CSMD1: variants seen among roughly 807,000 people sequenced by gnomAD.
CSMD1 encodes the protein CUB and Sushi multiple domains 1, also known as CUB and sushi domain-containing protein 1.
A neutral mutation model predicts 417.5 loss-of-function variants in CSMD1; 213 were observed. The ratio of observed to expected loss-of-function variants is 0.51; its 90% CI spans 0.46 to 0.57. The LOEUF is 0.57. CSMD1 is among the 20% of genes least tolerant of loss of function. CSMD1 has a pLI of 0.00. For missense variants in CSMD1, 6,923 were observed against 4,529.7 expected (o/e 1.53, Z -15.17); for synonymous variants, 2,862 against 1,736.8 (o/e 1.65, Z -16.11).
chr8:4,176,849 G>C (rs867421617), intron 3 of CSMD1, among the ~76,000 whole-genome samples: 21 of 148,328 alleles, frequency 1.4e-4, no homozygotes, highest in Middle Eastern at 3.4e-3. Flanking sequence ...TTACATAATG[G>C]TAAAGGGATC....
At position 4,956,429 on chromosome 8, in the gene CSMD1, G is replaced by A. The variant is rs1809116553; in HGVS notation, c.85+37903C>T. Among the ~76,000 whole-genome samples the A allele has an allele frequency of 2.0e-5, 3 of 148,230 alleles. No homozygotes were observed. In the South Asian group the frequency reaches 6.4e-4, roughly 31 times the overall value. ...TCAAGATATTATAAAATTCATATGT[G>A]CATATATTTAATATACATATTAAAA... On this transcript the variant is annotated intron_variant, in intron 1 of 69. Coordinates refer to ENST00000635120, the MANE Select transcript of CSMD1 (RefSeq NM_033225.6).
intron 1 of CSMD1, among the ~76,000 whole-genome samples, chr8:4,895,027 T>C (rs960639254): frequency 3.9e-5 from 6 of 152,130 alleles, no homozygotes; most frequent in Non-Finnish European, 8.8e-5. Context: ...TTGACCTGAG[T>C]TTTTTCATTG....
At chr8:3,652,059 C>A (rs1293707031) in intron 7 of CSMD1, among the ~76,000 whole-genome samples, 1 of 148,844 alleles carries the variant, frequency 6.7e-6, no homozygotes, top group Non-Finnish European at 1.5e-5. Flanking sequence ...ACCACCATCG[C>A]ACTTACCCCC....
At chr8:4,110,561 C>G (rs1055750899) in intron 3 of CSMD1, among the ~76,000 whole-genome samples, 15 of 152,108 alleles carry the variant, frequency 9.9e-5, no homozygotes, top group Non-Finnish European at 1.8e-4. Context: ...AAACAATTTT[C>G]TGACTAGTTT....
At position 4,953,485 on chromosome 8, in the gene CSMD1, T is replaced by C. The variant is rs908990052; in HGVS notation, c.85+40847A>G. On this transcript the variant is annotated intron_variant, in intron 1 of 69. Transcript: ENST00000635120. ...TTGCTTTATAAGGAGCATTTCTGGA[T>C]GAACCCAACATCGTCCACGGTGGCA... Among the ~76,000 whole-genome samples the C allele has an allele frequency of 5.9e-5, 9 of 152,304 alleles. No homozygotes were observed. The East Asian group carries it at 9.6e-4, about 16-fold the overall frequency.
At chr8:4,168,407 T>C (rs1199088777) in intron 3 of CSMD1, among the ~76,000 whole-genome samples, 3 of 151,914 alleles carry the variant, frequency 2.0e-5, no homozygotes, top group African/African-American at 7.3e-5. Flanking sequence ...TCTCTCAATA[T>C]ATATTTTACA....
chr8:4,294,696 C>A (rs1050445385), intron 3 of CSMD1, among the ~76,000 whole-genome samples: 1 of 152,084 alleles, frequency 6.6e-6, no homozygotes, highest in Non-Finnish European at 1.5e-5. Flanking sequence ...AGATGACCAT[C>A]TATTTTAGCT....
At chr8:3,345,426 C>G (rs181573562) in intron 22 of CSMD1, among the ~76,000 whole-genome samples, 1 of 151,956 alleles carries the variant, frequency 6.6e-6, no homozygotes, top group Non-Finnish European at 1.5e-5. Context: ...CGTTGATGAA[C>G]ATGGAACACT....
At chr8:3,606,153 G>C (rs1042905119) in intron 8 of CSMD1, among the ~76,000 whole-genome samples, 1 of 152,204 alleles carries the variant, frequency 6.6e-6, no homozygotes, top group African/African-American at 2.4e-5. Flanking sequence ...TCGTTCTGCA[G>C]AGAGAAGCCA....
chr8:4,649,654 CTCTTTA>C (rs1374908169), intron 1 of CSMD1, among the ~76,000 whole-genome samples: 3 of 152,172 alleles, frequency 2.0e-5, no homozygotes, highest in African/African-American at 7.2e-5. Context: ...TCTTCTACTC[CTCTTTA>C]TAAGAAGCCA....
intron 42 of CSMD1, among the ~76,000 whole-genome samples, chr8:3,111,534 C>A (rs1841352): frequency 6.6e-6 from 1 of 152,136 alleles, no homozygotes; most frequent in Non-Finnish European, 1.5e-5. Context: ...CTTGTCATCT[C>A]TAAAATGGGA....
At chr8:3,142,375 G>A in intron 41 of CSMD1, 90 bp downstream of exon 41, 1 of 1,142,596 alleles carries the variant, frequency 8.8e-7, no homozygotes, top group Non-Finnish European at 1.3e-6. Flanking sequence ...TACAAGCTTG[G>A]AACCAGTTAG....
intron 25 of CSMD1, among the ~76,000 whole-genome samples, chr8:3,288,548 A>G (rs888133467): frequency 2.0e-5 from 3 of 147,350 alleles, no homozygotes; most frequent in Non-Finnish European, 4.4e-5. Context: ...GTGTCGAAGA[A>G]TTTATCCATT....
intron 7 of CSMD1, among the ~76,000 whole-genome samples, chr8:3,703,658 A>G (rs915660525): frequency 5.9e-5 from 9 of 152,198 alleles, no homozygotes; most frequent in African/African-American, 2.2e-4. Flanking sequence ...AGGAAGAAGC[A>G]GAGGAAGAGA....
At chr8:3,548,588 C>T (rs1161613852) in intron 10 of CSMD1, among the ~76,000 whole-genome samples, 2 of 151,022 alleles carry the variant, frequency 1.3e-5, no homozygotes, top group Non-Finnish European at 2.9e-5. Flanking sequence ...GAATAATAGT[C>T]CCCAATCTCA....
rs534234460 is a variant in CSMD1, at chr8:4,321,004, A to G, written c.415+98949T>C. 6.6e-5 allele frequency among the ~76,000 whole-genome samples: 10 copies of G among 152,204 alleles called. No homozygotes were observed. In the East Asian group the frequency reaches 7.7e-4, roughly 12 times the overall value. ...TGCCTCCTTATACCAGTTTCTCTGT[A>G]AATTATTTATTTCCCATACACATTC... is the stretch of plus-strand genomic sequence containing the variant. On this transcript the variant is annotated intron_variant, in intron 3 of 69. Transcript: ENST00000635120.
intron 5 of CSMD1, among the ~76,000 whole-genome samples, chr8:3,955,262 C>T (rs1172089179): frequency 6.6e-6 from 1 of 152,116 alleles, no homozygotes; most frequent in African/African-American, 2.4e-5. Flanking sequence ...CAATGCCAAC[C>T]AACATGCAAA....
chr8:4,416,478 T>C (rs1796947258), intron 3 of CSMD1, among the ~76,000 whole-genome samples: 1 of 152,074 alleles, frequency 6.6e-6, no homozygotes, highest in Admixed American at 6.6e-5. Flanking sequence ...TGCATTAAAA[T>C]TGATATTTAG....
chr8:4,509,891 G>C (rs1036556984), intron 2 of CSMD1, among the ~76,000 whole-genome samples: 4 of 152,142 alleles, frequency 2.6e-5, no homozygotes, highest in Admixed American at 2.0e-4. Context: ...CTGTCGCCCT[G>C]ACAGGGTGTT....
Sources: allele counts gnomAD v4.1 joint callset (sites outside exome capture counted in the v4.1 genomes callset), GRCh38; gene constraint gnomAD v4.1.1; transcripts MANE v1.5; gene names NCBI Gene and HGNC (gene_info 2026-07-23, HGNC 2026-07-21).